ULK4: variants seen among roughly 807,000 people sequenced by gnomAD.
ULK4 encodes inactive serine/threonine-protein kinase ULK4.
A neutral mutation model predicts 160.6 loss-of-function variants in ULK4; 133 were observed. The observed-to-expected ratio is 0.83, with a 90% CI of 0.72 to 0.96. The LOEUF is 0.96. ULK4 is among the 40% of genes least tolerant of loss of function. ULK4 has a pLI of 0.00. For synonymous variants in ULK4, 534 were observed against 539.8 expected (o/e 0.99, Z 0.15); for missense variants, 1,580 against 1,499.5 (o/e 1.05, Z -0.89).
intron 17 of ULK4, among the ~76,000 whole-genome samples, chr3:41,847,142 G>A (rs1366547351): frequency 6.6e-6 from 1 of 152,014 alleles, no homozygotes; most frequent in Non-Finnish European, 1.5e-5. Context: ...AGGCCTTTTT[G>A]GCTTTGTCTG....
intron 27 of ULK4, among the ~76,000 whole-genome samples, chr3:41,703,067 TG>T (rs1045298045): frequency 5.3e-5 from 8 of 152,020 alleles, no homozygotes; most frequent in Non-Finnish European, 1.0e-4. Flanking sequence ...TTGGCCAGGA[TG>T]GTCTTGAACT....
intron 21 of ULK4, among the ~76,000 whole-genome samples, chr3:41,779,985 T>TA (rs777587812): frequency 0.13 from 7,436 of 59,368 alleles, 532 homozygotes; most frequent in Admixed American, 0.23. Context: ...TAGAGTATAA[T>TA]AAAAAAAAAA....
rs189859816 is a variant in ULK4 at position 41,815,636 on chromosome 3, C to T, written c.1848+3787G>A. On this transcript the variant is annotated intron_variant, in intron 19 of 36. Coordinates refer to ENST00000301831, the MANE Select transcript of ULK4 (RefSeq NM_017886.4). ...CCAGCTGCAAATACGTCCTCAATGC[C>T]CTCCTCAGATCAGTGGGGTAGCAGG... Among the ~76,000 whole-genome samples, 89 of 152,250 alleles carry T rather than the reference C, an allele frequency of 5.8e-4. 1 individual carries two copies. In the East Asian group the frequency reaches 9.5e-3, roughly 16 times the overall value.
At position 41,378,066 on chromosome 3, in the gene ULK4, C is replaced by A. The variant is rs534987752; in HGVS notation, c.3678+20013G>T. Reference sequence around the variant, plus strand: ...GCCATAAAAAAGGATGAGTTCATGTCCTTTGTAGGGACATGGATGAAATTG... The same window carrying A: ...GCCATAAAAAAGGATGAGTTCATGTACTTTGTAGGGACATGGATGAAATTG... On this transcript the variant is annotated intron_variant, in intron 35 of 36. Coordinates refer to ENST00000301831, the MANE Select transcript of ULK4 (RefSeq NM_017886.4). Among the ~76,000 whole-genome samples the A allele has an allele frequency of 8.6e-5, 13 of 151,474 alleles. 1 individual carries two copies. The South Asian group carries it at 2.7e-3, about 32-fold the overall frequency.
At chr3:41,470,743 T>C (rs1481500635) in intron 32 of ULK4, among the ~76,000 whole-genome samples, 1 of 152,202 alleles carries the variant, frequency 6.6e-6, no homozygotes. Flanking sequence ...ACTGTAAAGC[T>C]GTATGCAAAG....
intron 25 of ULK4, among the ~76,000 whole-genome samples, chr3:41,713,781 T>C (rs1275449898): frequency 6.6e-6 from 1 of 152,176 alleles, no homozygotes; most frequent in Non-Finnish European, 1.5e-5. Context: ...AACACAGAAT[T>C]ACAAGGAGCA....
intron 2 of ULK4, among the ~76,000 whole-genome samples, chr3:41,944,380 C>T (rs1396878451): frequency 6.6e-6 from 1 of 152,136 alleles, no homozygotes; most frequent in Non-Finnish European, 1.5e-5. Context: ...GTGGAGGTTG[C>T]AGTGAGCTGA....
intron 35 of ULK4, among the ~76,000 whole-genome samples, chr3:41,287,592 G>A (rs1209360848): frequency 1.3e-5 from 2 of 152,224 alleles, no homozygotes; most frequent in Non-Finnish European, 2.9e-5. Flanking sequence ...ATGACTGATG[G>A]AGGATACATT....
At position 41,954,359 on chromosome 3, in the gene ULK4, G is replaced by GAAA. The variant is rs10645314; in HGVS notation, c.138+260_138+262dup. ...AGAGAGACCCTGTTTCTAAGGGAAA[G>GAAA]AAAAAAAAAGAGTATAGTTTCCCCA... On this transcript the variant is annotated intron_variant, in intron 2 of 36. Transcript: ENST00000301831. Among the ~76,000 whole-genome samples the GAAA allele has an allele frequency of 3.0e-3, 444 of 148,084 alleles. 4 individuals are homozygous for GAAA. Among genetic ancestry groups the GAAA allele is most frequent in the Admixed American group, 6.5e-3 (96 of 14,776 alleles).
At chr3:41,682,008 T>C (rs2035940112) in intron 27 of ULK4, among the ~76,000 whole-genome samples, 1 of 152,154 alleles carries the variant, frequency 6.6e-6, no homozygotes. Flanking sequence ...CAGGTCAAAA[T>C]GACATTATGA....
At chr3:41,799,084 G>A (rs1048304273) in intron 20 of ULK4, among the ~76,000 whole-genome samples, 14 of 152,082 alleles carry the variant, frequency 9.2e-5, no homozygotes, top group African/African-American at 1.4e-4. Flanking sequence ...GTGAGGATAC[G>A]TGATGAAAAT....
chr3:41,911,642 C>T lies in ULK4; in HGVS notation c.914G>A (p.Cys305Tyr), dbSNP rs143066517. The stretch of plus-strand genomic sequence containing the variant: ...CTCCTTGGAATCTTGTGGCCCAGAA[C>T]ACTCCATAGTGTTTCTGCTATTATT... ...DLSLSRNTME[C>Y]SGPQDSKELL... Residue 305 changes from cysteine to tyrosine, a missense_variant, in exon 10 of 37, where the codon TGT becomes TAT. Cys to Tyr is a radical substitution (Grantham distance 194, BLOSUM62 -2). Coordinates refer to ENST00000301831, the MANE Select transcript of ULK4 (RefSeq NM_017886.4). The T allele has an allele frequency of 9.8e-4, 1,577 of 1,613,574 alleles. 14 individuals are homozygous for T. In the African/African-American group the frequency reaches 0.018, roughly 18 times the overall value.
At chr3:41,944,527 C>T (rs1396335937) in intron 2 of ULK4, among the ~76,000 whole-genome samples, 1 of 152,116 alleles carries the variant, frequency 6.6e-6, no homozygotes, top group Non-Finnish European at 1.5e-5. Context: ...CAGTTATCAT[C>T]CCATTTCTCT....
At chr3:41,455,443 T>A in intron 34 of ULK4, 54 bp downstream of exon 34, 1 of 1,498,238 alleles carries the variant, frequency 6.7e-7, no homozygotes, top group Non-Finnish European at 9.2e-7. Context: ...GAAATTCAAA[T>A]AAAATTACTT....
At chr3:41,516,441 C>T (rs993767086) in intron 32 of ULK4, among the ~76,000 whole-genome samples, 5 of 151,966 alleles carry the variant, frequency 3.3e-5, no homozygotes, top group Non-Finnish European at 7.4e-5. Flanking sequence ...ATTTGCAAAA[C>T]ATATCTGATA....
At chr3:41,434,417 G>T (rs1314204422) in intron 34 of ULK4, among the ~76,000 whole-genome samples, 3 of 151,870 alleles carry the variant, frequency 2.0e-5, no homozygotes, top group South Asian at 2.1e-4. Context: ...ATATAAAAGG[G>T]GCATATATAC....
intron 21 of ULK4, among the ~76,000 whole-genome samples, chr3:41,770,822 C>T (rs2039331428): frequency 6.6e-6 from 1 of 152,124 alleles, no homozygotes; most frequent in African/African-American, 2.4e-5. Flanking sequence ...CAGAATGATA[C>T]TTTCTGAATC....
intron 34 of ULK4, among the ~76,000 whole-genome samples, chr3:41,428,827 A>G (rs181397054): frequency 1.3e-5 from 2 of 152,324 alleles, no homozygotes; most frequent in Non-Finnish European, 2.9e-5. Context: ...CCTAGGCAAT[A>G]CCATTCAGGA....
At chr3:41,307,773 T>C (rs1225587714) in intron 35 of ULK4, among the ~76,000 whole-genome samples, 1 of 152,118 alleles carries the variant, frequency 6.6e-6, no homozygotes, top group Non-Finnish European at 1.5e-5. Flanking sequence ...GAGATTACAG[T>C]GAGCTATGAT....
Sources: allele counts gnomAD v4.1 joint callset (sites outside exome capture counted in the v4.1 genomes callset), GRCh38; gene constraint gnomAD v4.1.1; transcripts MANE v1.5; gene names NCBI Gene and HGNC (gene_info 2026-07-23, HGNC 2026-07-21).